NCKAP5: variants seen among roughly 807,000 people sequenced by gnomAD.
NCKAP5 encodes nck-associated protein 5.
NCKAP5 carries 92 observed loss-of-function variants against 167.0 expected under a neutral mutation model. The ratio of observed to expected loss-of-function variants is 0.55; its 90% CI spans 0.47 to 0.66. The LOEUF (loss-of-function observed/expected upper bound fraction) is 0.66, where lower values mean the gene tolerates loss of function less well. Among genes scored for constraint, NCKAP5 ranks in the 30% least tolerant of loss-of-function variants. The pLI, the probability that NCKAP5 is intolerant of heterozygous loss-of-function variation, is 0.00. For synonymous variants in NCKAP5, 891 were observed against 877.4 expected, an observed-to-expected ratio of 1.02 and a Z score of -0.27; for missense variants, 2,378 against 2,315.0, an observed-to-expected ratio of 1.03 and a Z score of -0.56.
intron 11 of NCKAP5, among the ~76,000 whole-genome samples, chr2:132,830,918 C>T (rs1411089297): frequency 1.3e-5 from 2 of 152,140 alleles, no homozygotes; most frequent in African/African-American, 2.4e-5. Flanking sequence ...ATCTCACCCC[C>T]CTTCAGTCCT....
At chr2:133,575,981 T>C in the NCKAP5 span, among the ~76,000 whole-genome samples, 2 of 152,232 alleles carry the variant, frequency 1.3e-5, no homozygotes, top group African/African-American at 4.8e-5. Context: ...TATGCCTCAG[T>C]AGTTCCCTCC....
At chr2:132,962,462 C>T (rs769053782) in intron 8 of NCKAP5, among the ~76,000 whole-genome samples, 3 of 152,082 alleles carry the variant, frequency 2.0e-5, no homozygotes, top group Non-Finnish European at 2.9e-5. Flanking sequence ...CATAATCTCA[C>T]CATTCTGCTT....
intron 3 of NCKAP5, among the ~76,000 whole-genome samples, chr2:133,355,902 G>A (rs948556831): frequency 1.3e-5 from 2 of 151,674 alleles, no homozygotes. Context: ...TCATTTTGCT[G>A]TTCACATTTG....
intron 11 of NCKAP5, among the ~76,000 whole-genome samples, chr2:132,852,595 G>C (rs1003601560): frequency 6.6e-6 from 1 of 152,286 alleles, no homozygotes; most frequent in African/African-American, 2.4e-5. Flanking sequence ...AAGAGGTTGG[G>C]AAGGCCAAAC....
chr2:133,668,493 A>G, the NCKAP5 span, among the ~76,000 whole-genome samples: 5 of 152,010 alleles, frequency 3.3e-5, no homozygotes, highest in Non-Finnish European at 5.9e-5. Flanking sequence ...TAGCGGGTGC[A>G]AAGTGGTATC....
At chr2:133,494,963 T>C (rs1414460542) in intron 3 of NCKAP5, among the ~76,000 whole-genome samples, 4 of 152,166 alleles carry the variant, frequency 2.6e-5, no homozygotes, top group African/African-American at 7.2e-5. Flanking sequence ...CTCTGAAGCC[T>C]GCTACCTGGA....
At chr2:133,157,753 A>G (rs1267779289) in intron 5 of NCKAP5, among the ~76,000 whole-genome samples, 1 of 152,202 alleles carries the variant, frequency 6.6e-6, no homozygotes, top group Admixed American at 6.5e-5. Flanking sequence ...GAAGAGAAAG[A>G]CTTCATGTTA....
intron 3 of NCKAP5, among the ~76,000 whole-genome samples, chr2:133,355,708 G>A (rs12471374): frequency 0.038 from 5,749 of 151,890 alleles, 195 homozygotes; most frequent in South Asian, 0.12. Flanking sequence ...ATACTCTAGC[G>A]CAAAGGCCAA....
intron 4 of NCKAP5, among the ~76,000 whole-genome samples, chr2:133,288,357 A>G (rs553493341): frequency 1.7e-4 from 26 of 152,282 alleles, no homozygotes; most frequent in Non-Finnish European, 3.8e-4. Context: ...AACTGATACC[A>G]TCCATATTTC....
intron 3 of NCKAP5, among the ~76,000 whole-genome samples, chr2:133,443,249 A>G (rs1182042128): frequency 6.6e-6 from 1 of 152,124 alleles, no homozygotes; most frequent in Non-Finnish European, 1.5e-5. Flanking sequence ...CACAAGTCCT[A>G]CCAGCAATCT....
intron 11 of NCKAP5, among the ~76,000 whole-genome samples, chr2:132,816,529 C>T (rs1416812561): frequency 3.9e-5 from 6 of 152,088 alleles, no homozygotes; most frequent in East Asian, 3.9e-4. Flanking sequence ...ACAGGAAGTA[C>T]GGGAGGACTT....
chr2:132,685,344 A>G (rs1573855974), intron 19 of NCKAP5, among the ~76,000 whole-genome samples: 1 of 152,324 alleles, frequency 6.6e-6, no homozygotes, highest in South Asian at 2.1e-4. Context: ...GATGGGAAGC[A>G]GCTTGGTCTA....
At chr2:133,463,768 C>T (rs146579073) in intron 3 of NCKAP5, among the ~76,000 whole-genome samples, 23 of 152,308 alleles carry the variant, frequency 1.5e-4, no homozygotes, top group Admixed American at 4.6e-4. Flanking sequence ...TAATATTTTA[C>T]ATGGCAACAA....
At chr2:132,891,266 C>A (rs1157679844) in intron 8 of NCKAP5, among the ~76,000 whole-genome samples, 3 of 152,152 alleles carry the variant, frequency 2.0e-5, no homozygotes, top group Non-Finnish European at 4.4e-5. Flanking sequence ...GCCACCCTCA[C>A]ATTTGGATTC....
intron 8 of NCKAP5, among the ~76,000 whole-genome samples, chr2:132,937,136 A>C (rs1264656931): frequency 6.6e-6 from 1 of 152,186 alleles, no homozygotes; most frequent in Non-Finnish European, 1.5e-5. Flanking sequence ...AGCTGCCCCC[A>C]TAAATACGTC....
At chr2:133,195,083 C>A (rs2085381536) in intron 5 of NCKAP5, among the ~76,000 whole-genome samples, 1 of 151,892 alleles carries the variant, frequency 6.6e-6, no homozygotes, top group African/African-American at 2.4e-5. Context: ...GTGCTATGAG[C>A]CAAAGGTTCA....
Position 133,273,841 on chromosome 2 carries a change from C to A in NCKAP5, c.143+29196G>T, listed in dbSNP as rs565105897. ...AGATAAAAAAAATTAAAAAGATAAT[C>A]ATTTCAGTAGATGCTGGAAAATTTT... On this transcript the variant is annotated intron_variant, in intron 4 of 19. Transcript: ENST00000409261. 2.0e-3 allele frequency among the ~76,000 whole-genome samples: 301 copies of A among 151,380 alleles called. 1 individual carries two copies. The highest frequency in any genetic ancestry group is 6.9e-3 in the African/African-American group (287 of 41,330).
chr2:133,011,591 A>G (rs1392135700), intron 6 of NCKAP5, among the ~76,000 whole-genome samples: 5 of 152,346 alleles, frequency 3.3e-5, no homozygotes, highest in African/African-American at 7.2e-5. Context: ...GAAGTTGAGT[A>G]AATCAATTGT....
At chr2:133,666,206 T>TG in the NCKAP5 span, among the ~76,000 whole-genome samples, 3 of 149,376 alleles carry the variant, frequency 2.0e-5, no homozygotes, top group Admixed American at 6.6e-5. Flanking sequence ...TTTTTTTTTT[T>TG]TTGTTGTTGA....
Sources: gnomAD v4.1 joint callset for allele counts (sites outside exome capture counted in the v4.1 genomes callset) on GRCh38, gnomAD v4.1.1 for gene constraint, MANE v1.5 for transcripts, NCBI Gene and HGNC (gene_info 2026-07-23, HGNC 2026-07-21) for gene names.